Variants in NR3C2 observed in about 807,000 individuals in gnomAD.
NR3C2 encodes the protein nuclear receptor subfamily 3 group C member 2.
A neutral mutation model predicts 86.4 loss-of-function variants in NR3C2; 15 were observed. The observed-to-expected ratio is 0.17, with a 90% confidence interval of 0.12 to 0.27. The LOEUF is 0.27. NR3C2 is among the 10% of genes least tolerant of loss of function. The pLI, the probability that NR3C2 is intolerant of heterozygous loss-of-function variation, is 1.00. For missense variants in NR3C2, 960 were observed against 1,195.6 expected, an observed-to-expected ratio of 0.80 and a Z score of 2.91; for synonymous variants, 458 against 450.5, an observed-to-expected ratio of 1.02 and a Z score of -0.21.
chr4:148,312,594 C>T (rs191480164), intron 2 of NR3C2, among the ~76,000 whole-genome samples: 14 of 152,190 alleles, frequency 9.2e-5, no homozygotes, highest in Admixed American at 7.9e-4. Flanking sequence ...AATGAATTTC[C>T]GTGAAAGCCA....
At chr4:148,257,054 T>C (rs191975827) in intron 3 of NR3C2, among the ~76,000 whole-genome samples, 2 of 152,170 alleles carry the variant, frequency 1.3e-5, no homozygotes, top group African/African-American at 2.4e-5. Context: ...TCCTCTTGTC[T>C]GCTCTCTAGG....
At chr4:148,410,787 C>T (rs1405057264) in intron 2 of NR3C2, among the ~76,000 whole-genome samples, 1 of 152,082 alleles carries the variant, frequency 6.6e-6, no homozygotes, top group African/African-American at 2.4e-5. Context: ...TCTTTCTTAC[C>T]TAAAATAATT....
At chr4:148,257,019 C>G (rs1305351637) in intron 3 of NR3C2, among the ~76,000 whole-genome samples, 1 of 152,114 alleles carries the variant, frequency 6.6e-6, no homozygotes, top group Non-Finnish European at 1.5e-5. Flanking sequence ...AGGACATCAA[C>G]TCAAAACTCA....
intron 8 of NR3C2, among the ~76,000 whole-genome samples, chr4:148,092,339 T>C (rs181089277): frequency 1.3e-5 from 2 of 152,296 alleles, no homozygotes; most frequent in Non-Finnish European, 2.9e-5. Flanking sequence ...GTTTAACCTG[T>C]CCTATTTACG....
At chr4:148,275,267 G>A (rs1412659096) in intron 2 of NR3C2, among the ~76,000 whole-genome samples, 1 of 152,090 alleles carries the variant, frequency 6.6e-6, no homozygotes, top group East Asian at 1.9e-4. Flanking sequence ...TTGTTAGGGT[G>A]GAAGAAAACT....
intron 3 of NR3C2, among the ~76,000 whole-genome samples, chr4:148,235,089 T>A (rs1444230563): frequency 6.6e-6 from 1 of 152,114 alleles, no homozygotes; most frequent in Non-Finnish European, 1.5e-5. Context: ...GGGTCCTCAT[T>A]AGAAACTATT....
chr4:148,264,378 A>G (rs1171074586), intron 2 of NR3C2, among the ~76,000 whole-genome samples: 1 of 152,254 alleles, frequency 6.6e-6, no homozygotes, highest in African/African-American at 2.4e-5. Flanking sequence ...GGGGGGAGGC[A>G]GATCTTGAAC....
intron 4 of NR3C2, among the ~76,000 whole-genome samples, chr4:148,157,906 G>T (rs1464326535): frequency 1.3e-5 from 2 of 152,078 alleles, no homozygotes; most frequent in Non-Finnish European, 2.9e-5. Context: ...TCAGATAAAA[G>T]ATAAGCTATC....
intron 3 of NR3C2, chr4:148,208,791 C>T (rs1017511609): frequency 2.0e-5 from 3 of 152,108 alleles, no homozygotes; most frequent in Admixed American, 6.5e-5. Context: ...CCCATTATTA[C>T]CTTAATTTCC....
chr4:148,318,536 T>C (rs1423081156), intron 2 of NR3C2, among the ~76,000 whole-genome samples: 1 of 151,344 alleles, frequency 6.6e-6, no homozygotes, highest in African/African-American at 2.4e-5. Context: ...CTCCAGCACC[T>C]GTTGTTTCCT....
chr4:148,156,622 T>A (rs1056086408), intron 4 of NR3C2, among the ~76,000 whole-genome samples: 6 of 152,126 alleles, frequency 3.9e-5, no homozygotes, highest in Admixed American at 3.9e-4. Flanking sequence ...CTCACACCAG[T>A]TAGAATGGCA....
At chr4:148,340,260 T>C (rs1561051753) in intron 2 of NR3C2, among the ~76,000 whole-genome samples, 1 of 152,064 alleles carries the variant, frequency 6.6e-6, no homozygotes, top group Non-Finnish European at 1.5e-5. Context: ...GACTTCAAAA[T>C]ATACTACAAA....
intron 2 of NR3C2, among the ~76,000 whole-genome samples, chr4:148,301,815 C>T (rs182298719): frequency 6.6e-6 from 1 of 152,200 alleles, no homozygotes; most frequent in Admixed American, 6.5e-5. Context: ...CTACGGAGGA[C>T]CCCGGAGCAC....
chr4:148,307,255 C>A (rs998754270), intron 2 of NR3C2, among the ~76,000 whole-genome samples: 4 of 152,090 alleles, frequency 2.6e-5, no homozygotes, highest in African/African-American at 9.7e-5. Context: ...TGAATTCTCT[C>A]TGGGATCAGT....
chr4:148,153,231 G>C (rs1734186512), intron 5 of NR3C2, among the ~76,000 whole-genome samples: 1 of 126,458 alleles, frequency 7.9e-6, no homozygotes, highest in African/African-American at 2.8e-5. Flanking sequence ...TGTCGCCCAG[G>C]CTGGAGTTCA....
chr4:148,313,172 T>C (rs1279523375), intron 2 of NR3C2, among the ~76,000 whole-genome samples: 1 of 152,178 alleles, frequency 6.6e-6, no homozygotes, highest in Non-Finnish European at 1.5e-5. Context: ...AGAAAGTCCT[T>C]GGGCTACAGT....
intron 2 of NR3C2, among the ~76,000 whole-genome samples, chr4:148,269,780 T>C (rs1481153191): frequency 6.6e-6 from 1 of 152,248 alleles, no homozygotes; most frequent in Non-Finnish European, 1.5e-5. Flanking sequence ...GAAGGAATCA[T>C]GAACTTACTG....
chr4:148,204,279 CAGG>C lies in NR3C2; in HGVS notation c.1898-9420_1898-9418del, dbSNP rs1368719291. ...AACAAGGAACAAGGAACTTTTTTTT[CAGG>C]AGGAGTGACTTACATTTCTCACACA... On this transcript the variant is annotated intron_variant, in intron 3 of 8. Coordinates refer to ENST00000358102, the MANE Select transcript of NR3C2 (RefSeq NM_000901.5). 3.3e-5 allele frequency among the ~76,000 whole-genome samples: 5 copies of C among 152,004 alleles called. No homozygotes were observed. The East Asian group carries it at 5.8e-4, about 18-fold the overall frequency.
intron 2 of NR3C2, among the ~76,000 whole-genome samples, chr4:148,346,090 T>C (rs1374096076): frequency 6.6e-6 from 1 of 151,816 alleles, no homozygotes; most frequent in Non-Finnish European, 1.5e-5. Context: ...ATAGCTGAAA[T>C]GGAGAGAGGG....
Sources: gnomAD v4.1 joint callset for allele counts (sites outside exome capture counted in the v4.1 genomes callset) on GRCh38, gnomAD v4.1.1 for gene constraint, MANE v1.5 for transcripts, NCBI Gene and HGNC (gene_info 2026-07-23, HGNC 2026-07-21) for gene names.